Variants in CCDC175 observed in about 807,000 individuals in gnomAD.
The protein encoded by CCDC175 is coiled-coil domain containing 175.
Under a neutral mutation model 114.6 loss-of-function variants are expected in CCDC175, and 100 were observed. The observed-to-expected ratio is 0.87, with a 90% CI of 0.74 to 1.03. The LOEUF (loss-of-function observed/expected upper bound fraction) is 1.03. Among genes scored for constraint, CCDC175 ranks in the 50% least tolerant of loss-of-function variants. The probability of loss-of-function intolerance (pLI) is 0.00; values close to 1 mark genes in which losing one functional copy is unlikely to be tolerated. For synonymous variants in CCDC175, 306 were observed against 308.7 expected (o/e 0.99, Z 0.09); for missense variants, 880 against 917.8 (o/e 0.96, Z 0.53).
At chr14:59,508,982 A>G (rs967130331) in intron 19 of CCDC175, among the ~76,000 whole-genome samples, 2 of 152,182 alleles carry the variant, frequency 1.3e-5, no homozygotes, top group East Asian at 3.8e-4. Flanking sequence ...CTGCATAAAC[A>G]GCCTCTGCTT....
chr14:59,538,916 A>G (rs1894582587), intron 11 of CCDC175, 76 bp from the exon 12 acceptor site: 1 of 1,367,092 alleles, frequency 7.3e-7, no homozygotes, highest in Non-Finnish European at 9.8e-7. Flanking sequence ...ATTCAAAGCA[A>G]AACAAGTCAT....
chr14:59,545,033 C>A, intron 9 of CCDC175, 130 bp downstream of exon 9: 1 of 933,634 alleles, frequency 1.1e-6, no homozygotes, highest in Non-Finnish European at 1.5e-6. Flanking sequence ...GTAATGATAG[C>A]AAATGTTTTC....
intron 18 of CCDC175, 61 bp from the exon 19 acceptor site, chr14:59,510,869 A>G: frequency 2.8e-6 from 4 of 1,412,044 alleles, no homozygotes; most frequent in Non-Finnish European, 3.8e-6. Flanking sequence ...ATAAATACAC[A>G]TTCTAAGTGG....
At chr14:59,554,503 A>G (rs1401376610) in intron 7 of CCDC175, among the ~76,000 whole-genome samples, 1 of 152,234 alleles carries the variant, frequency 6.6e-6, no homozygotes, top group East Asian at 1.9e-4. Context: ...AATGCCCACA[A>G]GAGAAAGCAG....
intron 19 of CCDC175, among the ~76,000 whole-genome samples, chr14:59,510,135 G>T (rs1892658790): frequency 6.6e-6 from 1 of 152,126 alleles, no homozygotes; most frequent in Admixed American, 6.5e-5. Context: ...TGACATTATT[G>T]TGGGGATTGA....
At chr14:59,531,486 T>C (rs1237946109) in intron 14 of CCDC175, among the ~76,000 whole-genome samples, 1 of 152,228 alleles carries the variant, frequency 6.6e-6, no homozygotes, top group East Asian at 1.9e-4. Flanking sequence ...GAGTTAGTTC[T>C]ACCTTTCCCA....
intron 10 of CCDC175, among the ~76,000 whole-genome samples, chr14:59,541,411 C>A (rs1163290980): frequency 1.3e-5 from 2 of 152,162 alleles, no homozygotes; most frequent in African/African-American, 4.8e-5. Context: ...CCCGCCTTTT[C>A]CCTATTAAGT....
chr14:59,568,971 A>G (rs1896707650), intron 3 of CCDC175, among the ~76,000 whole-genome samples: 1 of 152,212 alleles, frequency 6.6e-6, no homozygotes, highest in Non-Finnish European at 1.5e-5. Flanking sequence ...TATACTCCCT[A>G]ATAAAATAAT....
chr14:59,508,111 C>T lies in CCDC175; in HGVS notation c.2305+2535G>A, dbSNP rs1453119864. Among the ~76,000 whole-genome samples the T allele has an allele frequency of 2.6e-5, 4 of 152,110 alleles. No homozygotes were observed. The East Asian group carries it at 7.8e-4, about 30-fold the overall frequency. ...ATCAAGCTGCTGGCGGACAATCACC[C>T]CCGACCCCCCACACACCTCACTATC... On this transcript the variant is annotated intron_variant, in intron 19 of 19. Transcript: ENST00000537690.
intron 4 of CCDC175, 114 bp from the exon 5 acceptor site, chr14:59,565,389 T>C: frequency 2.3e-6 from 2 of 853,512 alleles, no homozygotes; most frequent in Non-Finnish European, 3.5e-6. Flanking sequence ...ACTTATTTTA[T>C]GACTGTGTTT....
At chr14:59,507,793 G>A (rs944428359) in intron 19 of CCDC175, among the ~76,000 whole-genome samples, 4 of 152,232 alleles carry the variant, frequency 2.6e-5, no homozygotes, top group South Asian at 4.1e-4. Context: ...TGGGGAGACT[G>A]AGGAGTGGAG....
chr14:59,564,757 T>A (rs578140405), intron 5 of CCDC175, among the ~76,000 whole-genome samples: 4 of 152,186 alleles, frequency 2.6e-5, no homozygotes, highest in African/African-American at 9.7e-5. Context: ...GATAAGATGG[T>A]AGCCTATTCC....
rs1895033029 is a variant in CCDC175 at position 59,545,248 on chromosome 14, T to C, written c.1087A>G (p.Lys363Glu). 2 of 1,536,908 alleles carry C rather than the reference T, an allele frequency of 1.3e-6. No individual in the cohort carries two copies. Among genetic ancestry groups the C allele is most frequent in the Admixed American group, 2.0e-5 (1 of 50,970 alleles). ...ARMEYKDLRE[K>E]MKTLARQYKI... ...TATTGTCTGGCAAGAGTTTTCATTT[T>C]CTCTCGTAGGTCTTTGTATTCCATA... is the stretch of plus-strand genomic sequence containing the variant. The change falls in exon 9 of 20, where the codon AAA (lysine) becomes GAA (glutamate). Residue 363 changes from lysine to glutamate, a missense_variant. By Grantham distance (56) the Lys-to-Glu change is moderately conservative. Coordinates refer to ENST00000537690, the MANE Select transcript of CCDC175 (RefSeq NM_001164399.2).
chr14:59,544,777 A>G (rs1234438184), intron 9 of CCDC175, among the ~76,000 whole-genome samples: 1 of 152,002 alleles, frequency 6.6e-6, no homozygotes, highest in Non-Finnish European at 1.5e-5. Context: ...GCCTTTGGGG[A>G]AGTGATTAGG....
intron 4 of CCDC175, among the ~76,000 whole-genome samples, chr14:59,566,023 T>C (rs368377255): frequency 1.3e-5 from 2 of 152,332 alleles, no homozygotes; most frequent in South Asian, 2.1e-4. Flanking sequence ...CTGGATGCTA[T>C]AGCCCTGCAG....
At chr14:59,548,553 T>C (rs1220790336) in intron 8 of CCDC175, among the ~76,000 whole-genome samples, 1 of 152,242 alleles carries the variant, frequency 6.6e-6, no homozygotes, top group Non-Finnish European at 1.5e-5. Flanking sequence ...TTAGGGGTCC[T>C]AGACTGTTCA....
rs1019474683 is a variant in CCDC175, at chr14:59,555,165, A to T, written c.954-3729T>A. Among the ~76,000 whole-genome samples the T allele has an allele frequency of 2.6e-5, 4 of 152,212 alleles. No homozygotes were observed. The East Asian group carries it at 7.7e-4, about 29-fold the overall frequency. ...AGCCTGGCAGAGACACAACAAAAAA[A>T]GAGAATTTTAGACCAATATCCCTGA... On this transcript the variant is annotated intron_variant, in intron 7 of 19. Transcript: ENST00000537690.
chr14:59,556,939 T>A (rs896179316), intron 7 of CCDC175, among the ~76,000 whole-genome samples: 2 of 152,064 alleles, frequency 1.3e-5, no homozygotes, highest in Non-Finnish European at 2.9e-5. Flanking sequence ...CCAGTTAGAA[T>A]GGTGATCATT....
At chr14:59,571,486 A>G (rs1384590772) in intron 3 of CCDC175, among the ~76,000 whole-genome samples, 1 of 152,228 alleles carries the variant, frequency 6.6e-6, no homozygotes, top group Non-Finnish European at 1.5e-5. Flanking sequence ...AAGATGTACC[A>G]AATGGCCAAT....
Sources: allele counts gnomAD v4.1 joint callset (sites outside exome capture counted in the v4.1 genomes callset), GRCh38; gene constraint gnomAD v4.1.1; transcripts MANE v1.5; gene names NCBI Gene and HGNC (gene_info 2026-07-23, HGNC 2026-07-21).